The following SMARCA5 variants were observed in gnomAD, a reference collection of about 807,000 sequenced individuals.
SMARCA5 encodes SNF2 related chromatin remodeling ATPase 5, also known as SWI/SNF-related matrix-associated actin-dependent regulator of chromatin subfamily A member 5.
A neutral mutation model predicts 140.4 loss-of-function variants in SMARCA5; 18 were observed. The observed-to-expected ratio is 0.13, with a 90% confidence interval of 0.09 to 0.19. SMARCA5 has a LOEUF of 0.19. SMARCA5 is among the 10% of genes least tolerant of loss of function. The probability of loss-of-function intolerance (pLI) is 1.00; values close to 1 mark genes in which losing one functional copy is unlikely to be tolerated. For missense variants in SMARCA5, 606 were observed against 1,276.8 expected (o/e 0.47, Z 8.01); for synonymous variants, 449 against 419.6 (o/e 1.07, Z -0.86).
At chr4:143,551,954 T>A (rs1165815826) in intron 23 of SMARCA5, among the ~76,000 whole-genome samples, 1 of 152,036 alleles carries the variant, frequency 6.6e-6, no homozygotes, top group Non-Finnish European at 1.5e-5. Flanking sequence ...GTGAAGAATG[T>A]CATGGGTATT....
intron 2 of SMARCA5, 151 bp from the exon 3 acceptor site, chr4:143,521,278 A>G: frequency 1.8e-6 from 1 of 566,348 alleles, no homozygotes; most frequent in Non-Finnish European, 3.1e-6. Context: ...TTCACTTTGC[A>G]TAGTGCTTTT....
intron 2 of SMARCA5, among the ~76,000 whole-genome samples, chr4:143,517,919 C>A (rs1052117497): frequency 6.6e-6 from 1 of 152,070 alleles, no homozygotes; most frequent in Non-Finnish European, 1.5e-5. Context: ...ACTATAACTT[C>A]CATATCTTAT....
intron 22 of SMARCA5, among the ~76,000 whole-genome samples, chr4:143,549,508 C>T (rs1470812633): frequency 6.6e-6 from 1 of 152,062 alleles, no homozygotes; most frequent in Non-Finnish European, 1.5e-5. Context: ...TCGTAGACTT[C>T]CATGGCTGGT....
rs1259829766 is a variant in SMARCA5 at position 143,557,178 on chromosome 4, G to A, written c.*3994G>A. 6.6e-6 allele frequency: 1 copy of A among 152,162 alleles called. No homozygotes were observed. Among genetic ancestry groups the A allele is most frequent in the Non-Finnish European group, 1.5e-5 (1 of 68,048 alleles). The allele number at this position is 152,162 out of a possible 1,614,324, so 9.4% of individuals were successfully genotyped here. A position where few individuals can be genotyped will look rare whatever the true frequency, so the allele number is the denominator to read the frequency against. On this transcript the variant is annotated 3_prime_UTR_variant, in exon 24 of 24. Transcript: ENST00000283131. ...TGCCTTTAACTCTACAGCATACAAGGTGTGTGGCTCTTATCTCTAGGACAC... is the reference window on the plus strand; with the variant it reads ...TGCCTTTAACTCTACAGCATACAAGATGTGTGGCTCTTATCTCTAGGACAC...
intron 23 of SMARCA5, among the ~76,000 whole-genome samples, chr4:143,550,620 CCTTCT>C (rs1228043908): frequency 6.6e-6 from 1 of 151,906 alleles, no homozygotes; most frequent in Non-Finnish European, 1.5e-5. Flanking sequence ...TGGTATCCAT[CCTTCT>C]CTCTGTCTCC....
intron 11 of SMARCA5, 30 bp from the exon 12 acceptor site, chr4:143,538,560 C>T: frequency 6.3e-7 from 1 of 1,599,264 alleles, no homozygotes. Flanking sequence ...TTTGAAGCCA[C>T]TGATAATAGA....
At chr4:143,544,929 TA>T (rs1364104177) in intron 17 of SMARCA5, 82 bp downstream of exon 17, 4 of 662,670 alleles carry the variant, frequency 6.0e-6, no homozygotes, top group Non-Finnish European at 1.0e-5. Flanking sequence ...AAAAGATTGA[TA>T]ATTAGATTTT....
intron 14 of SMARCA5, 152 bp downstream of exon 14, chr4:143,540,647 T>C (rs535213401): frequency 2.5e-5 from 17 of 690,282 alleles, no homozygotes; most frequent in Non-Finnish European, 3.4e-5. Flanking sequence ...CAGTAAACTT[T>C]AGTTTTGTCA....
At chr4:143,528,224 T>C (rs1194793208) in intron 7 of SMARCA5, among the ~76,000 whole-genome samples, 1 of 152,190 alleles carries the variant, frequency 6.6e-6, no homozygotes, top group Non-Finnish European at 1.5e-5. Flanking sequence ...TTTGTCCTAA[T>C]GCTCTCCCTC....
chr4:143,541,788 T>A (rs1258473396), intron 14 of SMARCA5, among the ~76,000 whole-genome samples: 1 of 152,230 alleles, frequency 6.6e-6, no homozygotes, highest in Non-Finnish European at 1.5e-5. Context: ...TTTATTTTTC[T>A]TCACACATCC....
intron 1 of SMARCA5, among the ~76,000 whole-genome samples, chr4:143,514,928 G>T (rs1736796320): frequency 1.3e-5 from 2 of 152,170 alleles, no homozygotes; most frequent in African/African-American, 4.8e-5. Context: ...TTGGGCAGGG[G>T]ATGCTGACAG....
At chr4:143,518,596 G>A (rs1377225056) in intron 2 of SMARCA5, among the ~76,000 whole-genome samples, 1 of 151,952 alleles carries the variant, frequency 6.6e-6, no homozygotes, top group African/African-American at 2.4e-5. Flanking sequence ...ATTTTTGAAT[G>A]TCTTAAATAG....
At position 143,538,923 on chromosome 4, in the gene SMARCA5, A is replaced by G. The variant is rs202043395; in HGVS notation, c.1755A>G (p.Val585=). 3 of 1,613,916 alleles carry G rather than the reference A, an allele frequency of 1.9e-6. No homozygotes were observed. Among genetic ancestry groups the G allele is most frequent in the Non-Finnish European group, 2.5e-6 (3 of 1,179,894 alleles). ...ILYDSDWNPQ[V]DLQAMDRAHR... ...ATGATTCTGATTGGAATCCCCAAGT[A>G]GATCTTCAGGCTATGGTAAGAGATA... Residue 585 remains valine (V), a synonymous_variant, in exon 13 of 24, where the codon GTA becomes GTG. Transcript: ENST00000283131.
At position 143,554,353 on chromosome 4, in the gene SMARCA5, T is replaced by C. The variant is rs1737706482; in HGVS notation, c.*1169T>C. The C allele has an allele frequency of 2.0e-5, 3 of 152,198 alleles. No individual in the cohort carries two copies. Among genetic ancestry groups the C allele is most frequent in the Non-Finnish European group, 2.9e-5 (2 of 68,020 alleles). 9.4% of individuals were successfully genotyped at this position (152,198 alleles called of 1,614,324 possible). On this transcript the variant is annotated 3_prime_UTR_variant, in exon 24 of 24. Coordinates refer to ENST00000283131, the MANE Select transcript of SMARCA5 (RefSeq NM_003601.4). ...ATAAATGTAGCATCGTGAATAAATATAACTTTTATAATCCGTAAAGTGGTC... is the reference window on the plus strand; with the variant it reads ...ATAAATGTAGCATCGTGAATAAATACAACTTTTATAATCCGTAAAGTGGTC...
At position 143,553,629 on chromosome 4, in the gene SMARCA5, G is replaced by A. The variant is rs1199455361; in HGVS notation, c.*445G>A. ...GAAATTTGGGTATTTTCTTTGTAGTGCTATTGAGTCTCATCTGGAAAGATT... is the reference window on the plus strand; with the variant it reads ...GAAATTTGGGTATTTTCTTTGTAGTACTATTGAGTCTCATCTGGAAAGATT... On this transcript the variant is annotated 3_prime_UTR_variant, in exon 24 of 24. Transcript: ENST00000283131. The A allele has an allele frequency of 1.9e-5, 3 of 156,550 alleles. No homozygotes were observed. Among genetic ancestry groups the A allele is most frequent in the Non-Finnish European group, 2.8e-5 (2 of 70,748 alleles). The allele number at this position is 156,550 out of a possible 1,614,324, so 9.7% of individuals were successfully genotyped here. A position where few individuals can be genotyped will look rare whatever the true frequency, so the allele number is the denominator to read the frequency against.
At chr4:143,532,196 T>G (rs1232620890) in intron 9 of SMARCA5, among the ~76,000 whole-genome samples, 1 of 152,236 alleles carries the variant, frequency 6.6e-6, no homozygotes, top group East Asian at 1.9e-4. Flanking sequence ...AAGGTAGTAA[T>G]TTCCTAGCTA....
Position 143,517,333 on chromosome 4 carries a change from TTTAA to T in SMARCA5, c.178-18_178-15del. 6.4e-7 allele frequency: 1 copy of T among 1,573,424 alleles called. No homozygotes were observed. The highest frequency in any genetic ancestry group is 8.7e-7 in the Non-Finnish European group (1 of 1,151,906). Reference sequence around the variant, plus strand: ...TTACTATTTTCGAAGACCAATTCTATTTAATTATTTCTTTCTACCAGGAAATATT... The same window carrying T: ...TTACTATTTTCGAAGACCAATTCTATTTATTTCTTTCTACCAGGAAATATT... On this transcript the variant is annotated intron_variant, in intron 1 of 23. Coordinates refer to ENST00000283131, the MANE Select transcript of SMARCA5 (RefSeq NM_003601.4).
At chr4:143,525,021 A>G (rs1737037846) in intron 4 of SMARCA5, among the ~76,000 whole-genome samples, 1 of 151,778 alleles carries the variant, frequency 6.6e-6, no homozygotes, top group African/African-American at 2.4e-5. Context: ...TATATTGGAC[A>G]AGTAACTTAG....
rs192335873 is a variant in SMARCA5 at position 143,530,779 on chromosome 4, G to T, written c.1158+253G>T. Among the ~76,000 whole-genome samples, 5 of 152,158 alleles carry T rather than the reference G, an allele frequency of 3.3e-5. No homozygotes were observed. The East Asian group carries it at 9.7e-4, about 29-fold the overall frequency. On this transcript the variant is annotated intron_variant, in intron 9 of 23. Transcript: ENST00000283131. ...CTCTTACAGTTATACAAAATACAGT[G>T]GGGGGAAGAAGAATTGCATAATAAT...
Sources: allele counts gnomAD v4.1 joint callset (sites outside exome capture counted in the v4.1 genomes callset), GRCh38; gene constraint gnomAD v4.1.1; transcripts MANE v1.5; gene names NCBI Gene and HGNC (gene_info 2026-07-23, HGNC 2026-07-21).